GABRG3: variants seen among roughly 807,000 people sequenced by gnomAD.
GABRG3 encodes gamma-aminobutyric acid receptor subunit gamma-3.
In GABRG3, 25 loss-of-function variants were observed where a neutral mutation model predicts 48.8. That is an observed-to-expected ratio of 0.51 (90% CI 0.37 to 0.72). The LOEUF (loss-of-function observed/expected upper bound fraction) is 0.72. GABRG3 is among the 30% of genes least tolerant of loss of function. The pLI, the probability that GABRG3 is intolerant of heterozygous loss-of-function variation, is 0.00. For missense variants in GABRG3, 394 were observed against 577.9 expected (o/e 0.68, Z 3.26); for synonymous variants, 227 against 217.6 (o/e 1.04, Z -0.38).
At chr15:27,101,724 A>T (rs1341890072) in intron 3 of GABRG3, among the ~76,000 whole-genome samples, 1 of 152,050 alleles carries the variant, frequency 6.6e-6, no homozygotes, top group Non-Finnish European at 1.5e-5. Flanking sequence ...AAACAAAAAC[A>T]AAACAACACC....
chr15:27,143,581 G>A (rs1451177507), intron 3 of GABRG3, among the ~76,000 whole-genome samples: 1 of 152,192 alleles, frequency 6.6e-6, no homozygotes, highest in Non-Finnish European at 1.5e-5. Flanking sequence ...GAAAAGCCCA[G>A]GTGACAGGAT....
intron 5 of GABRG3, among the ~76,000 whole-genome samples, chr15:27,345,313 G>A (rs1894329893): frequency 6.6e-6 from 1 of 152,076 alleles, no homozygotes; most frequent in African/African-American, 2.4e-5. Context: ...CATTTTATGT[G>A]ATTCCATTTC....
rs527788169 is a variant in GABRG3 at position 27,363,486 on chromosome 15, C to T, written c.574+34598C>T. 2.0e-5 allele frequency: 3 copies of T among 152,246 alleles called. No individual in the cohort carries two copies. The East Asian group carries it at 5.8e-4, about 29-fold the overall frequency. 9.4% of individuals were successfully genotyped at this position (152,246 alleles called of 1,614,324 possible). On this transcript the variant is annotated intron_variant, in intron 5 of 9. Transcript: ENST00000615808. ...GACAGAAGCTACTCAGATTGAGTTCCCTGAAAATATTAATGGACTGAGTTG... is the reference window on the plus strand; with the variant it reads ...GACAGAAGCTACTCAGATTGAGTTCTCTGAAAATATTAATGGACTGAGTTG...
At chr15:27,304,468 C>G (rs1892324978) in intron 3 of GABRG3, among the ~76,000 whole-genome samples, 1 of 151,844 alleles carries the variant, frequency 6.6e-6, no homozygotes, top group East Asian at 1.9e-4. Context: ...ATGGGTCTTA[C>G]TAGACTCAAG....
chr15:27,024,534 T>G (rs1026480361), intron 2 of GABRG3, among the ~76,000 whole-genome samples: 1 of 152,196 alleles, frequency 6.6e-6, no homozygotes, highest in African/African-American at 2.4e-5. Context: ...TATCCAGTTT[T>G]CCTAGCACTG....
intron 5 of GABRG3, among the ~76,000 whole-genome samples, chr15:27,466,587 AC>A (rs1364426549): frequency 6.6e-6 from 1 of 152,212 alleles, no homozygotes; most frequent in Non-Finnish European, 1.5e-5. Flanking sequence ...AATGCAACAG[AC>A]CGGGAAGCTA....
chr15:26,987,066 G>T (rs939978165), intron 2 of GABRG3, among the ~76,000 whole-genome samples: 4 of 152,192 alleles, frequency 2.6e-5, no homozygotes, highest in Non-Finnish European at 5.9e-5. Flanking sequence ...GACCATCCTG[G>T]CTAACATGGT....
intron 6 of GABRG3, among the ~76,000 whole-genome samples, chr15:27,510,180 C>T (rs769265142): frequency 2.7e-4 from 41 of 152,258 alleles, no homozygotes; most frequent in Middle Eastern, 6.8e-3. Context: ...TCATTCTATG[C>T]TTGTTGCGTG....
In GABRG3 at chr15:27,172,479, T is replaced by G. The variant is rs149522581; in HGVS notation, c.270+145658T>G. On this transcript the variant is annotated intron_variant, in intron 3 of 9. Coordinates refer to ENST00000615808, the MANE Select transcript of GABRG3 (RefSeq NM_033223.5). ...GGCTCTGAGCCCTTCACTTGACGTT[T>G]GTGAATGGGATTGTTTATCCTCAAA... 1.9e-4 allele frequency among the ~76,000 whole-genome samples: 29 copies of G among 152,262 alleles called. No individual in the cohort carries two copies. In the East Asian group the frequency reaches 4.6e-3, roughly 24 times the overall value.
intron 5 of GABRG3, among the ~76,000 whole-genome samples, chr15:27,355,581 A>G (rs1372372490): frequency 6.6e-6 from 1 of 152,260 alleles, no homozygotes; most frequent in African/African-American, 2.4e-5. Flanking sequence ...ACAGTAAAGC[A>G]TAGAGTTACC....
chr15:27,271,473 G>A, intron 3 of GABRG3: 1 of 448,484 alleles, frequency 2.2e-6, no homozygotes, highest in East Asian at 7.0e-5. Context: ...TCGGAGCTCA[G>A]GCCATGCCCT....
At position 27,481,147 on chromosome 15, in the gene GABRG3, C is replaced by T. The variant is rs866314640; in HGVS notation, c.712+360C>T. 6 of 1,046,522 alleles carry T rather than the reference C, an allele frequency of 5.7e-6. No homozygotes were observed. The Admixed American group carries it at 1.5e-4, about 27-fold the overall frequency. 64.8% of individuals were successfully genotyped at this position (1,046,522 alleles called of 1,614,324 possible). On this transcript the variant is annotated intron_variant, in intron 6 of 9. Transcript: ENST00000615808. ...AATCAAATATTATTGAGAATCCACA[C>T]ATAAAAGAAGCTGGTGTGATATGTC...
Position 27,260,010 on chromosome 15 carries a change from A to G in GABRG3, c.271-66799A>G, listed in dbSNP as rs1890726209. Among the ~76,000 whole-genome samples the G allele has an allele frequency of 4.6e-5, 7 of 152,320 alleles. No individual in the cohort carries two copies. The South Asian group carries it at 1.5e-3, about 32-fold the overall frequency. On this transcript the variant is annotated intron_variant, in intron 3 of 9. Transcript: ENST00000615808. ...GTTGCAAGACAAAGGGCCTGGGAAGATGTGTTGAAACTTCTCCAGAAAAAT... is the reference window on the plus strand; with the variant it reads ...GTTGCAAGACAAAGGGCCTGGGAAGGTGTGTTGAAACTTCTCCAGAAAAAT...
chr15:27,480,942 A>G (rs1485201378), intron 6 of GABRG3, 155 bp downstream of exon 6: 2 of 1,418,626 alleles, frequency 1.4e-6, no homozygotes, highest in East Asian at 5.0e-5. Context: ...CTATGTTTTC[A>G]TGTTTTAATT....
At chr15:27,100,504 A>AATCTTT (rs1389973713) in intron 3 of GABRG3, among the ~76,000 whole-genome samples, 1 of 152,182 alleles carries the variant, frequency 6.6e-6, no homozygotes, top group Non-Finnish European at 1.5e-5. Context: ...CTGATACCAA[A>AATCTTT]ACCAGATAAA....
intron 5 of GABRG3, among the ~76,000 whole-genome samples, chr15:27,464,645 C>A (rs562367335): frequency 6.6e-6 from 1 of 152,160 alleles, no homozygotes. Flanking sequence ...TTGTTAAAAT[C>A]CTAGCCATCC....
At chr15:27,375,998 G>A (rs1039874637) in intron 5 of GABRG3, among the ~76,000 whole-genome samples, 22 of 152,300 alleles carry the variant, frequency 1.4e-4, no homozygotes, top group African/African-American at 5.3e-4. Flanking sequence ...AAAATGAAAA[G>A]CAAGTTAGTT....
Position 27,315,372 on chromosome 15 carries a change from G to C in GABRG3, c.271-11437G>C, listed in dbSNP as rs553449309. On this transcript the variant is annotated intron_variant, in intron 3 of 9. Coordinates refer to ENST00000615808, the MANE Select transcript of GABRG3 (RefSeq NM_033223.5). ...GAGAAGCCAGAACTCTCTTGAGTAGGACAAAATATACACATTAAATACAGA... is the reference window on the plus strand; with the variant it reads ...GAGAAGCCAGAACTCTCTTGAGTAGCACAAAATATACACATTAAATACAGA... Among the ~76,000 whole-genome samples, 26 of 152,270 alleles carry C rather than the reference G, an allele frequency of 1.7e-4. No homozygotes were observed. The Middle Eastern group carries it at 0.01, about 60-fold the overall frequency.
At chr15:27,248,191 G>A (rs1290185647) in intron 3 of GABRG3, among the ~76,000 whole-genome samples, 6 of 152,206 alleles carry the variant, frequency 3.9e-5, no homozygotes, top group African/African-American at 9.6e-5. Context: ...TGTCTTGCCT[G>A]CAGTTTCTTT....
Sources: gnomAD v4.1 joint callset for allele counts (sites outside exome capture counted in the v4.1 genomes callset) on GRCh38, gnomAD v4.1.1 for gene constraint, MANE v1.5 for transcripts, NCBI Gene and HGNC (gene_info 2026-07-23, HGNC 2026-07-21) for gene names.